Variants in PDIA6 observed in about 807,000 individuals in gnomAD.
PDIA6 encodes the protein protein disulfide-isomerase A6.
Under a neutral mutation model 58.4 loss-of-function variants are expected in PDIA6, and 29 were observed. The ratio of observed to expected loss-of-function variants is 0.50; its 90% CI spans 0.37 to 0.68. The LOEUF (loss-of-function observed/expected upper bound fraction) is 0.68. PDIA6 is among the 30% of genes least tolerant of loss of function. The pLI is 0.00. For synonymous variants in PDIA6, 192 were observed against 202.6 expected (o/e 0.95, Z 0.44); for missense variants, 480 against 551.0 (o/e 0.87, Z 1.29).
At chr2:10,832,368 T>G in exon 1 of PDIA6, 1 of 966,818 alleles carries the variant, frequency 1.0e-6, no homozygotes, top group Non-Finnish European at 1.2e-6. Context: ...ATGAGCAAAC[T>G]GCAGCTGCAG....
At chr2:10,799,185 T>C (rs1000603496) in intron 2 of PDIA6, among the ~76,000 whole-genome samples, 10 of 139,352 alleles carry the variant, frequency 7.2e-5, no homozygotes, top group African/African-American at 2.2e-4. Flanking sequence ...ATTGAGGTTG[T>C]AGGTAGCTAT....
chr2:10,808,102 T>C (rs1276116643), intron 1 of PDIA6, among the ~76,000 whole-genome samples: 1 of 152,240 alleles, frequency 6.6e-6, no homozygotes, highest in African/African-American at 2.4e-5. Context: ...CTTATAAAAC[T>C]GTTAATTTTA....
At chr2:10,806,628 C>CAAAGAAAAAAAGAAAAAA in intron 1 of PDIA6, among the ~76,000 whole-genome samples, 1 of 70,426 alleles carries the variant, frequency 1.4e-5, no homozygotes, top group South Asian at 5.2e-4. Flanking sequence ...AAAATAAAGA[C>CAAAGAAAAAAAGAAAAAA]AGAAAGAAAG....
At chr2:10,823,608 G>A (rs1023574658) in intron 1 of PDIA6, among the ~76,000 whole-genome samples, 1 of 152,204 alleles carries the variant, frequency 6.6e-6, no homozygotes, top group African/African-American at 2.4e-5. Context: ...TTCAAAATCT[G>A]CTGACATTTT....
upstream of PDIA6, among the ~76,000 whole-genome samples, chr2:10,816,255 A>T (rs1051683936): frequency 6.6e-6 from 1 of 151,488 alleles, no homozygotes; most frequent in Non-Finnish European, 1.5e-5. Context: ...GCTAATTTTT[A>T]AAATTTTTTT....
chr2:10,790,740 C>T lies in PDIA6; in HGVS notation c.678G>A (p.Gln226=), dbSNP rs1398910489. 1 of 1,613,680 alleles carries T rather than the reference C, an allele frequency of 6.2e-7. No individual in the cohort carries two copies. Among genetic ancestry groups the T allele is most frequent in the Non-Finnish European group, 8.5e-7 (1 of 1,179,542 alleles). ...TCACCCCGTATCGGGAGGCCAGAAC[C>T]TGATTGACTGTAGCATCCACAGCTG... The part of the protein sequence containing the change: ...KLAAVDATVN[Q]VLASRYGIRG... Residue 226 remains glutamine (Q), a synonymous_variant, in exon 7 of 13, where the codon CAG becomes CAA. Transcript: ENST00000272227.
At chr2:10,836,023 A>G (rs903718471), upstream of PDIA6, among the ~76,000 whole-genome samples, 2 of 151,250 alleles carry the variant, frequency 1.3e-5, no homozygotes, top group Admixed American at 6.6e-5. Context: ...ACTGCACTCC[A>G]TCCTGGACAA....
chr2:10,809,958 A>T (rs960240539), intron 1 of PDIA6, among the ~76,000 whole-genome samples: 1 of 148,480 alleles, frequency 6.7e-6, no homozygotes, highest in Admixed American at 6.9e-5. Flanking sequence ...GAAAATTCTT[A>T]TATTTTCCTC....
chr2:10,815,128 GCA>G (rs1667153575), upstream of PDIA6, among the ~76,000 whole-genome samples: 1 of 149,872 alleles, frequency 6.7e-6, no homozygotes, highest in African/African-American at 2.5e-5. Context: ...TTCTGGAAAT[GCA>G]CAGGCTTCTG....
chr2:10,797,894 C>T, intron 2 of PDIA6, 137 bp from the exon 3 acceptor site: 1 of 678,574 alleles, frequency 1.5e-6, no homozygotes, highest in South Asian at 1.9e-5. Flanking sequence ...ACAAATAAAA[C>T]AGGATCAAGG....
chr2:10,797,791 A>G, intron 2 of PDIA6, 34 bp from the exon 3 acceptor site: 5 of 1,556,524 alleles, frequency 3.2e-6, no homozygotes, highest in East Asian at 2.2e-5. Context: ...GCAACCATTA[A>G]AGCCTTTGAT....
At position 10,826,396 on chromosome 2, in the gene PDIA6, G is replaced by C. The variant is rs543439741; in HGVS notation, c.-48+5806C>G. Among the ~76,000 whole-genome samples the C allele has an allele frequency of 6.6e-5, 10 of 151,866 alleles. No individual in the cohort carries two copies. The South Asian group carries it at 2.1e-3, about 32-fold the overall frequency. On this transcript the variant is annotated intron_variant, in intron 1 of 13. Transcript: ENST00000381611. ...TTTTTTTTTATGGAGTCTCGCTCTTGTTGCCTAGGCTGGAGTGCAATGGCG... is the reference window on the plus strand; with the variant it reads ...TTTTTTTTTATGGAGTCTCGCTCTTCTTGCCTAGGCTGGAGTGCAATGGCG...
At chr2:10,831,158 G>T (rs938720579) in intron 1 of PDIA6, among the ~76,000 whole-genome samples, 1 of 152,206 alleles carries the variant, frequency 6.6e-6, no homozygotes, top group Non-Finnish European at 1.5e-5. Context: ...ACTTGGAGCC[G>T]CAGATGAGTC....
chr2:10,800,033 T>C (rs1039039435), intron 2 of PDIA6, among the ~76,000 whole-genome samples: 1 of 152,156 alleles, frequency 6.6e-6, no homozygotes, highest in African/African-American at 2.4e-5. Flanking sequence ...GTAATCGAAA[T>C]TTAGAATTTC....
rs987870946 is a variant in PDIA6, at chr2:10,830,442, G to A, written c.-48+1760C>T. ...TTCTCTCGGGCACCTTTTCCTGCGGGCACAGCTATGGGGCAGGAGTGCGTC... is the reference window on the plus strand; with the variant it reads ...TTCTCTCGGGCACCTTTTCCTGCGGACACAGCTATGGGGCAGGAGTGCGTC... On this transcript the variant is annotated intron_variant, in intron 1 of 13. Transcript: ENST00000381611. Among the ~76,000 whole-genome samples, 45 of 152,212 alleles carry A rather than the reference G, an allele frequency of 3.0e-4. 1 individual carries two copies. Among genetic ancestry groups the A allele is most frequent in the Admixed American group, 1.2e-3 (19 of 15,286 alleles).
upstream of PDIA6, among the ~76,000 whole-genome samples, chr2:10,814,381 C>A (rs577909174): frequency 2.0e-4 from 31 of 152,294 alleles, no homozygotes; most frequent in African/African-American, 7.2e-4. Context: ...AGCTTGGTAC[C>A]CCGGGCAGCT....
Position 10,803,377 on chromosome 2 carries a change from G to A in PDIA6, c.20-737C>T, listed in dbSNP as rs532431225. Among the ~76,000 whole-genome samples the A allele has an allele frequency of 2.0e-5, 3 of 152,288 alleles. No homozygotes were observed. In the South Asian group the frequency reaches 6.2e-4, roughly 32 times the overall value. On this transcript the variant is annotated intron_variant, in intron 1 of 12. Coordinates refer to ENST00000272227, the MANE Select transcript of PDIA6 (RefSeq NM_005742.4). Reference sequence around the variant, plus strand: ...TCTCCATGTTGGTCAGGCTGGTCTCGAACTCCTGACCTCAGGTGATCCGCC... The same window carrying A: ...TCTCCATGTTGGTCAGGCTGGTCTCAAACTCCTGACCTCAGGTGATCCGCC...
intron 1 of PDIA6, among the ~76,000 whole-genome samples, chr2:10,810,776 C>T (rs1472758259): frequency 6.6e-6 from 1 of 152,060 alleles, no homozygotes; most frequent in Non-Finnish European, 1.5e-5. Flanking sequence ...CCTCCAACCC[C>T]CAAGAACACA....
Position 10,790,726 on chromosome 2 carries a change from C to T in PDIA6, c.692G>A (p.Arg231Gln), listed in dbSNP as rs182465865. ...CCTTATAAGTATACTCACCCCGTAT[C>T]GGGAGGCCAGAACCTGATTGACTGT... Reference protein sequence around the residue: ...DATVNQVLASRYGIRGFPTIK... With the variant: ...DATVNQVLASQYGIRGFPTIK... Residue 231 changes from arginine (R) to glutamine (Q), a missense_variant, in exon 7 of 13, where the codon CGA (arginine) becomes CAA (glutamine). Transcript: ENST00000272227. The T allele has an allele frequency of 3.2e-5, 51 of 1,609,838 alleles. No individual in the cohort carries two copies. The Admixed American group carries it at 7.0e-4, about 22-fold the overall frequency.
Sources: allele counts gnomAD v4.1 joint callset (sites outside exome capture counted in the v4.1 genomes callset), GRCh38; gene constraint gnomAD v4.1.1; transcripts MANE v1.5; gene names NCBI Gene and HGNC (gene_info 2026-07-23, HGNC 2026-07-21).